CSMD2: variants seen among roughly 807,000 people sequenced by gnomAD.
CSMD2 encodes the protein CUB and Sushi multiple domains 2, also known as CUB and sushi domain-containing protein 2.
A neutral mutation model predicts 398.5 loss-of-function variants in CSMD2; 130 were observed. The observed-to-expected ratio is 0.33, with a 90% CI of 0.28 to 0.38. The LOEUF is 0.38. CSMD2 is among the 10% of genes least tolerant of loss of function. The pLI is 1.00. For missense variants in CSMD2, 3,829 were observed against 4,764.9 expected (o/e 0.80, Z 5.78); for synonymous variants, 1,828 against 1,908.5 (o/e 0.96, Z 1.10).
intron 41 of CSMD2, among the ~76,000 whole-genome samples, chr1:33,608,726 A>G (rs1352926661): frequency 6.6e-6 from 1 of 152,170 alleles, no homozygotes; most frequent in Non-Finnish European, 1.5e-5. Flanking sequence ...CAAGATTGTC[A>G]TGAACTACCA....
At chr1:33,599,164 G>A (rs1045922399) in intron 44 of CSMD2, 2 of 152,250 alleles carry the variant, frequency 1.3e-5, no homozygotes, top group African/African-American at 4.8e-5. Context: ...TCATCTGAGA[G>A]GCAGAAGGAG....
At position 33,739,147 on chromosome 1, in the gene CSMD2, C is replaced by A; in HGVS notation, c.2361G>T (p.Arg787=). The change falls in exon 15 of 71, where the codon CGG becomes CGT. Residue 787 remains arginine (R), a synonymous_variant. Coordinates refer to ENST00000373381, the MANE Select transcript of CSMD2 (RefSeq NM_001281956.2). ...GSVVWNSAVL[R]CEAPCGGHLT... ...CAGCCTGCAGGCTCGTACCTTCACA[C>A]CGCAGCACAGCGCTGTTCCAGACCA... 6.2e-7 allele frequency: 1 copy of A among 1,612,622 alleles called. No homozygotes were observed. Among genetic ancestry groups the A allele is most frequent in the South Asian group, 1.1e-5 (1 of 90,794 alleles).
chr1:33,736,470 C>T (rs12047267), intron 15 of CSMD2, among the ~76,000 whole-genome samples: 17,720 of 151,192 alleles, frequency 0.12, 1,314 homozygotes, highest in Non-Finnish European at 0.17. Flanking sequence ...GACAGCAAGA[C>T]TCCGTCTCAA....
intron 3 of CSMD2, among the ~76,000 whole-genome samples, chr1:33,956,546 A>G (rs1294112386): frequency 6.6e-6 from 1 of 152,190 alleles, no homozygotes; most frequent in Non-Finnish European, 1.5e-5. Flanking sequence ...ATCACAGCTT[A>G]GAGTTGCTCT....
intron 3 of CSMD2, among the ~76,000 whole-genome samples, chr1:34,020,099 G>A (rs1176326165): frequency 6.6e-6 from 1 of 152,204 alleles, no homozygotes; most frequent in Admixed American, 6.5e-5. Flanking sequence ...GTGCTAGGGA[G>A]TGATGGGTAA....
intron 6 of CSMD2, among the ~76,000 whole-genome samples, chr1:33,841,858 A>G (rs971940309): frequency 7.2e-5 from 11 of 152,270 alleles, no homozygotes; most frequent in African/African-American, 2.4e-4. Context: ...AAGGAACCCA[A>G]TTTGAAAACC....
In CSMD2 at chr1:33,636,278, T is replaced by A; in HGVS notation, c.4969+82A>T. 1 of 1,379,674 alleles carries A rather than the reference T, an allele frequency of 7.2e-7. No individual in the cohort carries two copies. Among genetic ancestry groups the A allele is most frequent in the Non-Finnish European group, 9.8e-7 (1 of 1,018,584 alleles). The allele number at this position is 1,379,674 out of a possible 1,614,324, so 85.5% of individuals were successfully genotyped here. A position where few individuals can be genotyped will look rare whatever the true frequency, so the allele number is the denominator to read the frequency against. ...GCCGGGCTTGAGGACCTTGCCCCCC[T>A]CCCTTCCCCAGCCCACAGCACCCTC... On this transcript the variant is annotated intron_variant, in intron 30 of 70. Coordinates refer to ENST00000373381, the MANE Select transcript of CSMD2 (RefSeq NM_001281956.2). This position sits in a 1 kb window ranked among gnomAD's most constrained non-coding sequence, Gnocchi z 4.8.
intron 6 of CSMD2, among the ~76,000 whole-genome samples, chr1:33,841,949 A>G (rs772580388): frequency 7.9e-5 from 12 of 152,058 alleles, no homozygotes; most frequent in Non-Finnish European, 1.8e-4. Flanking sequence ...TGAACTTTTC[A>G]CATCATTATC....
At chr1:33,968,700 T>C (rs1371944865) in intron 3 of CSMD2, among the ~76,000 whole-genome samples, 1 of 152,102 alleles carries the variant, frequency 6.6e-6, no homozygotes, top group East Asian at 1.9e-4. Flanking sequence ...AGCCCCACCA[T>C]CACTTGACAG....
At chr1:34,133,831 G>T (rs541030372) in intron 1 of CSMD2, among the ~76,000 whole-genome samples, 1 of 152,066 alleles carries the variant, frequency 6.6e-6, no homozygotes, top group Admixed American at 6.5e-5. Flanking sequence ...AGCACTTTGG[G>T]AGGCCGAGGT....
At chr1:33,823,392 CTTTTTTTT>C (rs10578010) in intron 7 of CSMD2, among the ~76,000 whole-genome samples, 94 of 149,402 alleles carry the variant, frequency 6.3e-4, no homozygotes, top group African/African-American at 2.1e-3. Context: ...TTCTCCCTTT[CTTTTTTTT>C]TTTTTTAATT....
intron 19 of CSMD2, among the ~76,000 whole-genome samples, chr1:33,720,062 T>C (rs1646306695): frequency 6.6e-6 from 1 of 152,226 alleles, no homozygotes; most frequent in African/African-American, 2.4e-5. Flanking sequence ...GCCATACTGC[T>C]GCCTCTTAGG....
chr1:34,117,030 C>T (rs529393099), intron 1 of CSMD2, among the ~76,000 whole-genome samples: 2 of 151,538 alleles, frequency 1.3e-5, no homozygotes, highest in Admixed American at 6.6e-5. Context: ...ATTGCACATG[C>T]ATTAAAAAAA....
intron 1 of CSMD2, among the ~76,000 whole-genome samples, chr1:34,160,443 G>A (rs1482418164): frequency 6.6e-6 from 1 of 152,188 alleles, no homozygotes; most frequent in African/African-American, 2.4e-5. Context: ...CTAGGGAACT[G>A]TAACCAAACG....
At chr1:33,527,711 G>A (rs552661090) in intron 64 of CSMD2, among the ~76,000 whole-genome samples, 1 of 152,068 alleles carries the variant, frequency 6.6e-6, no homozygotes, top group Non-Finnish European at 1.5e-5. Flanking sequence ...CACTCCTAAG[G>A]GTTGTTGTCT....
chr1:33,620,085 G>C (rs1641668500), intron 37 of CSMD2, among the ~76,000 whole-genome samples: 1 of 152,150 alleles, frequency 6.6e-6, no homozygotes, highest in African/African-American at 2.4e-5. Flanking sequence ...ATATAGAAAA[G>C]TCCATTCTAA....
chr1:34,130,381 T>C (rs1377886098), intron 1 of CSMD2, among the ~76,000 whole-genome samples: 7 of 97,294 alleles, frequency 7.2e-5, no homozygotes, highest in African/African-American at 2.5e-4. Flanking sequence ...GGAAGAAATG[T>C]CTGGAGGCAA....
chr1:33,887,003 G>A (rs1641644286), intron 5 of CSMD2, among the ~76,000 whole-genome samples: 1 of 151,368 alleles, frequency 6.6e-6, no homozygotes, highest in Non-Finnish European at 1.5e-5. Context: ...ATTTAAATAC[G>A]ACCATTTTTC....
chr1:34,000,873 G>A lies in CSMD2; in HGVS notation c.517+31721C>T, dbSNP rs925242910. ...GCGAAAACCATGAAAGATGAGCTGGGAAAGAAAAAGAAGTACCACACTGAA... is the reference window on the plus strand; with the variant it reads ...GCGAAAACCATGAAAGATGAGCTGGAAAAGAAAAAGAAGTACCACACTGAA... On this transcript the variant is annotated intron_variant, in intron 3 of 70. Coordinates refer to ENST00000373381, the MANE Select transcript of CSMD2 (RefSeq NM_001281956.2). Among the ~76,000 whole-genome samples, 3 of 151,972 alleles carry A rather than the reference G, an allele frequency of 2.0e-5. No individual in the cohort carries two copies. The East Asian group carries it at 5.8e-4, about 29-fold the overall frequency.
Sources: allele counts gnomAD v4.1 joint callset (sites outside exome capture counted in the v4.1 genomes callset), GRCh38; gene constraint gnomAD v4.1.1; non-coding constraint Gnocchi (gnomAD v3.1); transcripts MANE v1.5; gene names NCBI Gene and HGNC (gene_info 2026-07-23, HGNC 2026-07-21).